Variants in CAST observed in about 807,000 individuals in gnomAD.
CAST encodes calpastatin.
In CAST, 76 loss-of-function variants were observed where a neutral mutation model predicts 119.6. The observed-to-expected ratio is 0.64, with a 90% CI of 0.53 to 0.77. The LOEUF (loss-of-function observed/expected upper bound fraction) is 0.77. CAST is among the 30% of genes least tolerant of loss of function. The pLI is 0.00. For missense variants in CAST, 953 were observed against 946.5 expected (o/e 1.01, Z -0.09); for synonymous variants, 319 against 331.6 (o/e 0.96, Z 0.41).
chr5:96,061,806 G>A, the CAST span, among the ~76,000 whole-genome samples: 1 of 152,164 alleles, frequency 6.6e-6, no homozygotes, highest in Admixed American at 6.6e-5. Context: ...GAATACAGAT[G>A]CACACATGGG....
chr5:96,494,639 G>A, the CAST span, among the ~76,000 whole-genome samples: 7 of 152,174 alleles, frequency 4.6e-5, no homozygotes, highest in Non-Finnish European at 5.9e-5. Context: ...CTTCAAGGTG[G>A]CCCAATAGAA....
At chr5:96,066,816 T>C in the CAST span, among the ~76,000 whole-genome samples, 12 of 151,928 alleles carry the variant, frequency 7.9e-5, no homozygotes. Context: ...TGCACCACCA[T>C]GCCTGGCAAG....
At chr5:96,690,848 C>T (rs562268041) in intron 2 of CAST, among the ~76,000 whole-genome samples, 1 of 152,294 alleles carries the variant, frequency 6.6e-6, no homozygotes, top group Admixed American at 6.5e-5. Flanking sequence ...AAACACAAGA[C>T]TTCTTGCCAT....
chr5:96,008,545 T>C, the CAST span, among the ~76,000 whole-genome samples: 4 of 152,182 alleles, frequency 2.6e-5, no homozygotes, highest in African/African-American at 9.7e-5. Flanking sequence ...CCTTTTCCCT[T>C]TCTCACTCTT....
Position 96,719,178 on chromosome 5 carries a change from C to T in CAST, c.211-3461C>T, listed in dbSNP as rs558647147. ...GCCCCTGCTTCTATAGAAGCCCTTA[C>T]CTTCCCATCCTGGCTCACTTGCCAG... On this transcript the variant is annotated intron_variant, in intron 3 of 31. Coordinates refer to ENST00000675179, the MANE Select transcript of CAST (RefSeq NM_001750.7). 2.6e-5 allele frequency among the ~76,000 whole-genome samples: 4 copies of T among 152,302 alleles called. No individual in the cohort carries two copies. In the East Asian group the frequency reaches 7.7e-4, roughly 29 times the overall value.
chr5:96,462,205 A>G, the CAST span, among the ~76,000 whole-genome samples: 17 of 152,162 alleles, frequency 1.1e-4, no homozygotes, highest in East Asian at 2.7e-3. Flanking sequence ...TGCTTTCTTA[A>G]TTGATTGCTT....
chr5:96,718,589 G>A (rs1252205890), intron 3 of CAST, among the ~76,000 whole-genome samples: 1 of 152,046 alleles, frequency 6.6e-6, no homozygotes, highest in Non-Finnish European at 1.5e-5. Context: ...AGTGGAAGAG[G>A]CTTCCGGAAG....
intron 1 of CAST, among the ~76,000 whole-genome samples, chr5:96,624,027 A>C (rs1420233966): frequency 6.6e-6 from 1 of 152,170 alleles, no homozygotes. Context: ...ATGAAATCTA[A>C]GCTATGTTAT....
the CAST span, among the ~76,000 whole-genome samples, chr5:96,284,494 G>A: frequency 1.3e-5 from 2 of 152,144 alleles, no homozygotes; most frequent in Admixed American, 6.5e-5. Flanking sequence ...CTATTTTGGG[G>A]CTCCCAGGGA....
chr5:96,774,385 G>T lies in CAST; in HGVS notation c.*1769G>T. ...TAATTAGAAATATCTTCGAGACTTG[G>T]GTGTTTGTTAATAACTAATAACTGG... On this transcript the variant is annotated 3_prime_UTR_variant, in exon 32 of 32. Coordinates refer to ENST00000675179, the MANE Select transcript of CAST (RefSeq NM_001750.7). 1 of 357,536 alleles carries T rather than the reference G, an allele frequency of 2.8e-6. No individual in the cohort carries two copies. The highest frequency in any genetic ancestry group is 3.9e-6 in the Non-Finnish European group (1 of 254,286). 22.1% of individuals were successfully genotyped at this position (357,536 alleles called of 1,614,324 possible). A position where few individuals can be genotyped will look rare whatever the true frequency, so the allele number is the denominator to read the frequency against.
At chr5:96,712,566 C>G (rs1330810437) in intron 3 of CAST, among the ~76,000 whole-genome samples, 6 of 152,178 alleles carry the variant, frequency 3.9e-5, no homozygotes, top group Non-Finnish European at 1.5e-5. Flanking sequence ...TGGGCTCAAT[C>G]AATCCTCCCA....
the CAST span, among the ~76,000 whole-genome samples, chr5:96,167,294 G>A: frequency 2.7e-3 from 404 of 152,256 alleles, 1 homozygote; most frequent in South Asian, 2.5e-3. Flanking sequence ...AGTGTAAACC[G>A]GCAGTGTAAA....
chr5:96,494,668 C>T, the CAST span, among the ~76,000 whole-genome samples: 1 of 152,076 alleles, frequency 6.6e-6, no homozygotes, highest in African/African-American at 2.4e-5. Flanking sequence ...CTTCAGGCTG[C>T]AAATGAACTA....
chr5:96,451,570 G>A, the CAST span, among the ~76,000 whole-genome samples: 1 of 152,148 alleles, frequency 6.6e-6, no homozygotes, highest in Non-Finnish European at 1.5e-5. Flanking sequence ...TACCATTCAG[G>A]ACATAGGCAT....
At chr5:96,752,174 T>C (rs1187734979) in intron 20 of CAST, among the ~76,000 whole-genome samples, 1 of 152,224 alleles carries the variant, frequency 6.6e-6, no homozygotes, top group Non-Finnish European at 1.5e-5. Flanking sequence ...AGACCTGAGT[T>C]GTAGTTGTGA....
At chr5:96,564,735 G>A (rs1039153664) in intron 1 of CAST, among the ~76,000 whole-genome samples, 4 of 152,132 alleles carry the variant, frequency 2.6e-5, no homozygotes, top group Non-Finnish European at 4.4e-5. Context: ...CCTGGGCAAC[G>A]TGGTGAAACC....
the CAST span, chr5:96,410,814 G>A: frequency 2.5e-6 from 4 of 1,614,108 alleles, no homozygotes; most frequent in Non-Finnish European, 3.4e-6. Context: ...GTAAGAGGTG[G>A]CCAGTGTGGA....
At chr5:96,505,069 A>G in the CAST span, among the ~76,000 whole-genome samples, 5 of 152,190 alleles carry the variant, frequency 3.3e-5, no homozygotes, top group Non-Finnish European at 5.9e-5. Flanking sequence ...GAACATTTCA[A>G]TATAAGCCTT....
chr5:96,018,773 T>C, the CAST span, among the ~76,000 whole-genome samples: 3 of 152,250 alleles, frequency 2.0e-5, no homozygotes, highest in Non-Finnish European at 4.4e-5. Context: ...AAAGTACTGA[T>C]GTTTTTTAAA....
Sources: gnomAD v4.1 joint callset for allele counts (sites outside exome capture counted in the v4.1 genomes callset) on GRCh38, gnomAD v4.1.1 for gene constraint, MANE v1.5 for transcripts, NCBI Gene and HGNC (gene_info 2026-07-23, HGNC 2026-07-21) for gene names.